The following SYT1 variants were observed in gnomAD, a reference collection of about 807,000 sequenced individuals.
SYT1 encodes synaptotagmin 1.
A neutral mutation model predicts 44.8 loss-of-function variants in SYT1; 8 were observed. The observed-to-expected ratio is 0.18, with a 90% CI of 0.10 to 0.32. The LOEUF is 0.32. Ranked by LOEUF, SYT1 falls within the 10% of genes least tolerant of loss-of-function variation. The pLI is 1.00. For missense variants in SYT1, 286 were observed against 509.3 expected, an observed-to-expected ratio of 0.56 and a Z score of 4.22; for synonymous variants, 154 against 188.8, an observed-to-expected ratio of 0.82 and a Z score of 1.51.
intron 3 of SYT1, among the ~76,000 whole-genome samples, chr12:79,117,248 G>A (rs185836760): frequency 9.9e-5 from 15 of 152,112 alleles, no homozygotes; most frequent in African/African-American, 3.6e-4. Flanking sequence ...GCCTCAATAT[G>A]TATTGAGAAA....
At chr12:79,060,114 C>T (rs1255135807) in intron 3 of SYT1, among the ~76,000 whole-genome samples, 2 of 152,050 alleles carry the variant, frequency 1.3e-5, no homozygotes, top group Admixed American at 6.6e-5. Flanking sequence ...CCTGACACAG[C>T]GAAGGTGCTC....
At chr12:79,059,390 G>T (rs984100028) in intron 3 of SYT1, among the ~76,000 whole-genome samples, 3 of 151,892 alleles carry the variant, frequency 2.0e-5, no homozygotes, top group Admixed American at 2.0e-4. Flanking sequence ...ATATAATATT[G>T]TTTACCTATA....
chr12:79,314,521 A>G (rs933207520), intron 8 of SYT1, among the ~76,000 whole-genome samples: 2 of 152,186 alleles, frequency 1.3e-5, no homozygotes, highest in Non-Finnish European at 2.9e-5. Flanking sequence ...CTGACACCCC[A>G]CAAAGGAACT....
At chr12:79,323,564 G>T (rs925748167) in intron 8 of SYT1, among the ~76,000 whole-genome samples, 1 of 152,124 alleles carries the variant, frequency 6.6e-6, no homozygotes, top group Non-Finnish European at 1.5e-5. Context: ...ACATTATAAA[G>T]AATTATGGCA....
At chr12:78,882,682 G>A (rs1326007961) in intron 1 of SYT1, among the ~76,000 whole-genome samples, 1 of 151,696 alleles carries the variant, frequency 6.6e-6, no homozygotes, top group Admixed American at 6.6e-5. Flanking sequence ...AAACTTAAAC[G>A]ATTTTAAAGA....
At chr12:79,151,673 A>T (rs931432869) in intron 3 of SYT1, among the ~76,000 whole-genome samples, 1 of 152,148 alleles carries the variant, frequency 6.6e-6, no homozygotes, top group Admixed American at 6.5e-5. Context: ...GAGTATAGAA[A>T]GGAGCTGATG....
rs61324842 is a variant in SYT1, at chr12:79,245,302, CA to C, written c.166+27640del. On this transcript the variant is annotated intron_variant, in intron 4 of 10. Coordinates refer to ENST00000261205, the MANE Select transcript of SYT1 (RefSeq NM_005639.3). ...AACACACGGTGAAACCCCGTCTCTA[CA>C]AAAAAAAAAAAAAAAAAAAAAATTA... 3.7e-3 allele frequency among the ~76,000 whole-genome samples: 381 copies of C among 104,170 alleles called. 2 individuals are homozygous for C. Among genetic ancestry groups the C allele is most frequent in the African/African-American group, 0.013 (337 of 26,758 alleles). 68.3% of individuals were successfully genotyped at this position (104,170 alleles called of 152,430 possible).
At chr12:78,971,736 T>A (rs893614024) in intron 1 of SYT1, among the ~76,000 whole-genome samples, 3 of 152,176 alleles carry the variant, frequency 2.0e-5, no homozygotes, top group Non-Finnish European at 4.4e-5. Context: ...TGACTTGGAC[T>A]ATATATTATA....
At chr12:79,381,153 C>G (rs980012673) in intron 9 of SYT1, among the ~76,000 whole-genome samples, 1 of 152,120 alleles carries the variant, frequency 6.6e-6, no homozygotes, top group Non-Finnish European at 1.5e-5. Flanking sequence ...ACATTGGCAA[C>G]GAATGGCCTA....
At chr12:79,050,882 C>T (rs188667200) in intron 3 of SYT1, among the ~76,000 whole-genome samples, 111 of 152,020 alleles carry the variant, frequency 7.3e-4, no homozygotes, top group African/African-American at 2.6e-3. Flanking sequence ...AAAGCATAAG[C>T]CTGTGAGTGT....
chr12:79,113,437 A>C (rs1370660237), intron 3 of SYT1, among the ~76,000 whole-genome samples: 1 of 152,150 alleles, frequency 6.6e-6, no homozygotes, highest in Non-Finnish European at 1.5e-5. Context: ...CGTTGACCAA[A>C]AAAATTCTTA....
intron 4 of SYT1, among the ~76,000 whole-genome samples, chr12:79,258,640 A>G (rs1429268474): frequency 2.0e-5 from 3 of 152,226 alleles, no homozygotes; most frequent in African/African-American, 7.2e-5. Flanking sequence ...AAAAATTCCC[A>G]AGAAGACACT....
intron 2 of SYT1, among the ~76,000 whole-genome samples, chr12:79,026,052 G>A (rs2137646143): frequency 6.6e-6 from 1 of 151,750 alleles, no homozygotes; most frequent in Non-Finnish European, 1.5e-5. Context: ...AAAGCATTGT[G>A]TTTAAAGCCT....
At chr12:79,195,700 G>C (rs1300733817) in intron 3 of SYT1, among the ~76,000 whole-genome samples, 1 of 152,152 alleles carries the variant, frequency 6.6e-6, no homozygotes, top group African/African-American at 2.4e-5. Flanking sequence ...TGAAAGTAAT[G>C]ATTTAGGAAC....
At chr12:78,996,760 G>A (rs1462801767) in intron 2 of SYT1, among the ~76,000 whole-genome samples, 1 of 151,982 alleles carries the variant, frequency 6.6e-6, no homozygotes. Context: ...ACAGAAAACG[G>A]GTCAAATAAA....
intron 3 of SYT1, among the ~76,000 whole-genome samples, chr12:79,175,032 G>A (rs1358000745): frequency 6.6e-6 from 1 of 152,022 alleles, no homozygotes; most frequent in Non-Finnish European, 1.5e-5. Flanking sequence ...TTCAAAAATG[G>A]CATAGCAGGG....
chr12:79,081,015 A>C (rs17041558), intron 3 of SYT1, among the ~76,000 whole-genome samples: 16,394 of 152,228 alleles, frequency 0.11, 987 homozygotes, highest in Non-Finnish European at 0.13. Context: ...AACTCTTCAG[A>C]TGGTATAGAG....
chr12:78,886,917 C>T lies in SYT1; in HGVS notation c.-217+21808C>T, dbSNP rs112732504. ...TTAGGCATGAGATTAAACTGGAAGC[C>T]CCACCAGTCAGTGTAGGATAGAGTG... On this transcript the variant is annotated intron_variant, in intron 1 of 10. Coordinates refer to ENST00000261205, the MANE Select transcript of SYT1 (RefSeq NM_005639.3). Among the ~76,000 whole-genome samples the T allele has an allele frequency of 8.3e-3, 1,254 of 151,934 alleles. 17 individuals are homozygous for T. The highest frequency in any genetic ancestry group is 0.011 in the Non-Finnish European group (777 of 67,910).
intron 3 of SYT1, among the ~76,000 whole-genome samples, chr12:79,092,674 G>A (rs573257040): frequency 6.6e-6 from 1 of 151,586 alleles, no homozygotes; most frequent in African/African-American, 2.4e-5. Context: ...CTGAAGTTCG[G>A]AATTCTTACC....
Sources: allele counts gnomAD v4.1 joint callset (sites outside exome capture counted in the v4.1 genomes callset), GRCh38; gene constraint gnomAD v4.1.1; transcripts MANE v1.5; gene names NCBI Gene and HGNC (gene_info 2026-07-23, HGNC 2026-07-21).